The following SCARF2 variants were observed in gnomAD, a reference collection of about 807,000 sequenced individuals.
SCARF2 encodes scavenger receptor class F member 2.
A neutral mutation model predicts 73.4 loss-of-function variants in SCARF2; 39 were observed. The observed-to-expected ratio is 0.53, with a 90% CI of 0.41 to 0.69. The LOEUF is 0.69. Among genes scored for constraint, SCARF2 ranks in the 30% least tolerant of loss-of-function variants. The probability of loss-of-function intolerance (pLI) is 0.00; values close to 1 mark genes in which losing one functional copy is unlikely to be tolerated. For synonymous variants in SCARF2, 605 were observed against 590.0 expected, an observed-to-expected ratio of 1.03 and a Z score of -0.37; for missense variants, 1,148 against 1,303.5, an observed-to-expected ratio of 0.88 and a Z score of 1.84.
In SCARF2 at chr22:20,424,952, A is replaced by T; in HGVS notation, c.*423T>A. 1 of 163,786 alleles carries T rather than the reference A, an allele frequency of 6.1e-6. No individual in the cohort carries two copies. The highest frequency in any genetic ancestry group is 1.3e-5 in the Non-Finnish European group (1 of 76,032). The allele number at this position is 163,786 out of a possible 1,614,324, so 10.1% of individuals were successfully genotyped here. A position where few individuals can be genotyped will look rare whatever the true frequency, so the allele number is the denominator to read the frequency against. On this transcript the variant is annotated 3_prime_UTR_variant, in exon 11 of 11. Transcript: ENST00000622235. Reference sequence around the variant, plus strand: ...GCCAAGGGAGGGAGCCTCCAGCCAGAGGCACCAGGCCCTAGCGGGGGAGAG... The same window carrying T: ...GCCAAGGGAGGGAGCCTCCAGCCAGTGGCACCAGGCCCTAGCGGGGGAGAG...
At position 20,431,993 on chromosome 22, in the gene SCARF2, G is replaced by A. The variant is rs763855710; in HGVS notation, c.174-5C>T. On this transcript the variant is annotated splice_region_variant and splice_polypyrimidine_tract_variant and intron_variant, in intron 1 of 10. Coordinates refer to ENST00000622235, the MANE Select transcript of SCARF2 (RefSeq NM_182895.5). Reference sequence around the variant, plus strand: ...CAGCACGTGGGCACCTGGGAGCTGCGAGCAGAGGGAGGACATCTAAGCCCG... The same window carrying A: ...CAGCACGTGGGCACCTGGGAGCTGCAAGCAGAGGGAGGACATCTAAGCCCG... 9 of 1,607,694 alleles carry A rather than the reference G, an allele frequency of 5.6e-6. No individual in the cohort carries two copies. Among genetic ancestry groups the A allele is most frequent in the Non-Finnish European group, 6.8e-6 (8 of 1,178,500 alleles).
chr22:20,436,395 C>T (rs2052699007), intron 1 of SCARF2, among the ~76,000 whole-genome samples: 1 of 152,126 alleles, frequency 6.6e-6, no homozygotes, highest in African/African-American at 2.4e-5. Flanking sequence ...CCCCGCCCGC[C>T]GCCGCCGCTG....
chr22:20,436,788 G>A (rs1189042408), intron 1 of SCARF2, among the ~76,000 whole-genome samples: 1 of 151,976 alleles, frequency 6.6e-6, no homozygotes, highest in Non-Finnish European at 1.5e-5. Flanking sequence ...CGGCTCCCCC[G>A]ACCCCAGCTC....
At chr22:20,437,561 C>G in intron 1 of SCARF2, 21 bp downstream of exon 1, 1 of 1,565,368 alleles carries the variant, frequency 6.4e-7, no homozygotes, top group South Asian at 1.2e-5. Flanking sequence ...CGCCCCCTCC[C>G]CCAGCCAGGC....
At chr22:20,436,158 G>T (rs887743436) in intron 1 of SCARF2, among the ~76,000 whole-genome samples, 1 of 152,258 alleles carries the variant, frequency 6.6e-6, no homozygotes, top group African/African-American at 2.4e-5. Context: ...ACACAGCTGG[G>T]TAGGGTGGCA....
chr22:20,427,361 C>T (rs749886173), intron 10 of SCARF2, 37 bp downstream of exon 10: 1 of 1,612,760 alleles, frequency 6.2e-7, no homozygotes, highest in East Asian at 2.2e-5. Context: ...GAACATTTCA[C>T]TGGGCTGGAG....
In SCARF2 at chr22:20,429,700, T is replaced by C. The variant is rs1367192308; in HGVS notation, c.1306+30A>G. 1.2e-6 allele frequency: 2 copies of C among 1,613,970 alleles called. No homozygotes were observed. Among genetic ancestry groups the C allele is most frequent in the South Asian group, 2.2e-5 (2 of 91,086 alleles). ...GCGCGGTTTCTGGCACCCCCTGCAT[T>C]CCTTAACGGGACGCCCCTCATCCAC... On this transcript the variant is annotated intron_variant, in intron 7 of 10. Transcript: ENST00000622235. This position sits in a 1 kb window ranked among gnomAD's most constrained non-coding sequence, Gnocchi z 5.2.
Position 20,431,248 on chromosome 22 carries a change from G to A in SCARF2, c.624C>T (p.Gly208=). 8.4e-6 allele frequency: 13 copies of A among 1,550,420 alleles called. No individual in the cohort carries two copies. The highest frequency in any genetic ancestry group is 1.1e-5 in the Non-Finnish European group (13 of 1,156,476). Residue 208 remains glycine (G), a synonymous_variant, in exon 4 of 11, where the codon GGC becomes GGT. Transcript: ENST00000622235. ...AGGCGCACTGGTTGTTGCAGCTGCG[G>A]CCCCACCAGCCTGCGTGGCACAGGC... The part of the protein sequence containing the change: ...GACLCHAGWW[G]RSCNNQCACN...
Position 20,429,332 on chromosome 22 carries a change from G to T in SCARF2, c.1433C>A (p.Ser478Ter). Residue 478 changes from serine (S) to a stop codon, truncating the protein, a stop_gained, in exon 9 of 11, where the codon TCG (serine) becomes TAG (stop). Transcript: ENST00000622235. LOFTEE classifies it high-confidence loss of function. The surrounding 1 kb of genome is among the most constrained non-coding windows in gnomAD (Gnocchi z 5.2). ...RGKDPTRREL[S>*]LGRKKAPHRL... ...GTGCGGCGCCTTCTTCCTCCCAAGCGAAAGCTCCCTGCGGGGGCGGGGTCT... is the reference window on the plus strand; with the variant it reads ...GTGCGGCGCCTTCTTCCTCCCAAGCTAAAGCTCCCTGCGGGGGCGGGGTCT... 1 of 1,472,562 alleles carries T rather than the reference G, an allele frequency of 6.8e-7. No homozygotes were observed. Among genetic ancestry groups the T allele is most frequent in the Non-Finnish European group, 9.2e-7 (1 of 1,087,842 alleles). The allele number at this position is 1,472,562 out of a possible 1,614,324, so 91.2% of individuals were successfully genotyped here.
intron 6 of SCARF2, chr22:20,430,052 C>G (rs919118605): frequency 3.2e-6 from 2 of 625,274 alleles, no homozygotes; most frequent in Non-Finnish European, 5.6e-6. Context: ...AGTGGGGGGG[C>G]CTGGGGGATA....
chr22:20,425,737 C>T lies in SCARF2; in HGVS notation c.2239G>A (p.Gly747Ser). Residue 747 changes from glycine to serine, a missense_variant, in exon 11 of 11, where the codon GGC becomes AGC. By Grantham distance (56) the Gly-to-Ser change is moderately conservative. Coordinates refer to ENST00000622235, the MANE Select transcript of SCARF2 (RefSeq NM_182895.5). The surrounding 1 kb of genome is among the most constrained non-coding windows in gnomAD (Gnocchi z 4.6). ...TCCGTGGGCTCCAAGAGGCCGGGGC[C>T]GCGGCCCCGCGCTCGGGCCCTGGGC... Reference protein sequence around the residue: ...SPPRARARGRGPGLLEPTDAG... With the variant: ...SPPRARARGRSPGLLEPTDAG... 1 of 1,231,050 alleles carries T rather than the reference C, an allele frequency of 8.1e-7. No individual in the cohort carries two copies. Among genetic ancestry groups the T allele is most frequent in the Non-Finnish European group, 1.0e-6 (1 of 990,554 alleles). The allele number at this position is 1,231,050 out of a possible 1,614,324, so 76.3% of individuals were successfully genotyped here.
At chr22:20,433,411 C>T (rs1411725134) in intron 1 of SCARF2, among the ~76,000 whole-genome samples, 2 of 152,096 alleles carry the variant, frequency 1.3e-5, no homozygotes, top group Non-Finnish European at 2.9e-5. Flanking sequence ...TGGTGGGGGG[C>T]GGAGTTTGGG....
At chr22:20,432,915 G>A (rs565023225) in intron 1 of SCARF2, among the ~76,000 whole-genome samples, 8 of 152,236 alleles carry the variant, frequency 5.3e-5, no homozygotes, top group Admixed American at 4.6e-4. Context: ...ACAGGGTTTC[G>A]CCATGTTGGC....
At chr22:20,431,629 C>G (rs1229884628) in intron 3 of SCARF2, 92 bp from the exon 4 acceptor site, 3 of 1,541,872 alleles carry the variant, frequency 1.9e-6, no homozygotes, top group Middle Eastern at 2.2e-4. Context: ...GCACTCCAGC[C>G]GCCACCTCTG....
Position 20,425,379 on chromosome 22 carries a change from A to C in SCARF2, c.2597T>G (p.Leu866Arg). The C allele has an allele frequency of 1.4e-6, 2 of 1,421,534 alleles. No homozygotes were observed. Among genetic ancestry groups the C allele is most frequent in the Non-Finnish European group, 1.8e-6 (2 of 1,083,920 alleles). 88.1% of individuals were successfully genotyped at this position (1,421,534 alleles called of 1,614,324 possible). Residue 866 changes from leucine to arginine, a missense_variant, in exon 11 of 11, where the codon CTG becomes CGG. This residue lies in a region of SCARF2 where 169 missense variants were observed against 136.9 expected (regional missense o/e 1.23). Transcript: ENST00000622235. This position sits in a 1 kb window ranked among gnomAD's most constrained non-coding sequence, Gnocchi z 4.6. ...GCGCGGACGAGCCACAGCCTGCTAC[A>C]GGGTGGGTGCGCCCGCCCTGCCCAG... The part of the protein sequence containing the change: ...GELGRAGAPT[L>R]
intron 10 of SCARF2, among the ~76,000 whole-genome samples, 156 bp downstream of exon 10, chr22:20,427,242 A>G (rs553907961): frequency 6.6e-6 from 1 of 152,272 alleles, no homozygotes; most frequent in African/African-American, 2.4e-5. Context: ...GTCCAGCTCT[A>G]TGGCCTCAGC....
chr22:20,437,005 A>G (rs1256329080), intron 1 of SCARF2, among the ~76,000 whole-genome samples: 2 of 152,088 alleles, frequency 1.3e-5, no homozygotes, highest in East Asian at 3.9e-4. Context: ...TGCCTGTCAT[A>G]GTCCTTCCGC....
chr22:20,425,626 C>T lies in SCARF2; in HGVS notation c.2350G>A (p.Ala784Thr), dbSNP rs2052564834. Residue 784 changes from alanine to threonine, a missense_variant, in exon 11 of 11, where the codon GCC becomes ACC. Ala to Thr is a moderately conservative substitution (Grantham distance 58). Transcript: ENST00000622235. This position sits in a 1 kb window ranked among gnomAD's most constrained non-coding sequence, Gnocchi z 4.6. Reference protein sequence around the residue: ...LRGKTRSLGRAEVALGAQGPR... With the variant: ...LRGKTRSLGRTEVALGAQGPR... ...CCCTGCGCGCCCAGGGCCACCTCGG[C>T]GCGGCCCAGGCTGCGAGTCTTGCCG... 4 of 1,313,640 alleles carry T rather than the reference C, an allele frequency of 3.0e-6. No individual in the cohort carries two copies. Among genetic ancestry groups the T allele is most frequent in the Non-Finnish European group, 3.9e-6 (4 of 1,033,564 alleles). 81.4% of individuals were successfully genotyped at this position (1,313,640 alleles called of 1,614,324 possible).
Position 20,425,611 on chromosome 22 carries a change from C to T in SCARF2, c.2365G>A (p.Gly789Ser). 7.5e-7 allele frequency: 1 copy of T among 1,326,582 alleles called. No homozygotes were observed. Among genetic ancestry groups the T allele is most frequent in the South Asian group, 1.9e-5 (1 of 51,784 alleles). 82.2% of individuals were successfully genotyped at this position (1,326,582 alleles called of 1,614,324 possible). ...RSLGRAEVAL[G>S]AQGPREKPAP... ...GGCTTTTCCCTGGGGCCCTGCGCGC[C>T]CAGGGCCACCTCGGCGCGGCCCAGG... Residue 789 changes from glycine (G) to serine (S), a missense_variant, in exon 11 of 11, where the codon GGC becomes AGC. Physicochemically the swap from Gly to Ser is moderately conservative, Grantham distance 56. This residue lies in a region of SCARF2 where 169 missense variants were observed against 136.9 expected (regional missense o/e 1.23). Coordinates refer to ENST00000622235, the MANE Select transcript of SCARF2 (RefSeq NM_182895.5). This position sits in a 1 kb window ranked among gnomAD's most constrained non-coding sequence, Gnocchi z 4.6.
Sources: allele counts gnomAD v4.1 joint callset (sites outside exome capture counted in the v4.1 genomes callset), GRCh38; gene constraint gnomAD v4.1.1; regional missense constraint gnomAD v4.1.1; non-coding constraint Gnocchi (gnomAD v3.1); transcripts MANE v1.5; gene names NCBI Gene and HGNC (gene_info 2026-07-23, HGNC 2026-07-21).